The following AK8 variants were observed in gnomAD, a reference collection of about 807,000 sequenced individuals.
AK8 encodes ATP-AMP transphosphorylase 8.
AK8 carries 44 observed loss-of-function variants against 54.6 expected under a neutral mutation model. The ratio of observed to expected loss-of-function variants is 0.81; its 90% CI spans 0.63 to 1.04. The LOEUF (loss-of-function observed/expected upper bound fraction) is 1.04. Ranked by LOEUF, AK8 falls within the 50% of genes least tolerant of loss-of-function variation. The pLI, the probability that AK8 is intolerant of heterozygous loss-of-function variation, is 0.00. For synonymous variants in AK8, 239 were observed against 245.6 expected (o/e 0.97, Z 0.25); for missense variants, 555 against 613.6 (o/e 0.90, Z 1.01).
intron 5 of AK8, among the ~76,000 whole-genome samples, chr9:132,843,423 C>A (rs1314400675): frequency 2.6e-5 from 4 of 152,156 alleles, no homozygotes; most frequent in African/African-American, 9.7e-5. Context: ...TCTCTTATAG[C>A]CTGCGGAACC....
chr9:132,782,511 G>A (rs1839521133), intron 11 of AK8, among the ~76,000 whole-genome samples: 2 of 152,098 alleles, frequency 1.3e-5, no homozygotes, highest in Admixed American at 1.3e-4. Context: ...CCAACATGGT[G>A]AAACCCCGTC....
chr9:132,834,734 T>C (rs899646928), intron 5 of AK8, among the ~76,000 whole-genome samples: 1 of 152,156 alleles, frequency 6.6e-6, no homozygotes, highest in East Asian at 1.9e-4. Context: ...TGATAATCAA[T>C]GATACATGCG....
chr9:132,750,451 G>A lies in AK8; in HGVS notation c.1122-22917C>T, dbSNP rs529421636. ...ATTTCTTCTACACATCTTTCTGTCC[G>A]GCATCGGGGCAGCAGTGGCCAACAG... On this transcript the variant is annotated intron_variant, in intron 11 of 12. Coordinates refer to ENST00000298545, the MANE Select transcript of AK8 (RefSeq NM_152572.3). Among the ~76,000 whole-genome samples, 6 of 151,918 alleles carry A rather than the reference G, an allele frequency of 3.9e-5. 1 individual carries two copies. Among genetic ancestry groups the A allele is most frequent in the East Asian group, 1.9e-4 (1 of 5,178 alleles).
At chr9:132,740,702 G>A (rs1003398397) in intron 11 of AK8, among the ~76,000 whole-genome samples, 1 of 149,380 alleles carries the variant, frequency 6.7e-6, no homozygotes, top group Admixed American at 6.7e-5. Context: ...TCCAGTCTTA[G>A]AGCTGAGCAC....
chr9:132,864,159 C>CT (rs927573869), intron 3 of AK8, among the ~76,000 whole-genome samples: 87 of 149,982 alleles, frequency 5.8e-4, no homozygotes, highest in South Asian at 4.5e-3. Flanking sequence ...ACTCAGTGTT[C>CT]TTTTTTTTTT....
Position 132,823,123 on chromosome 9 carries a change from C to A in AK8, c.889+82G>T, listed in dbSNP as rs1468749004. ...ACCCTTCCCCCCCAACACCACCCCC[C>A]ATAAAATGAGAGCTGGGGAGGAGGG... On this transcript the variant is annotated intron_variant, in intron 9 of 12. Coordinates refer to ENST00000298545, the MANE Select transcript of AK8 (RefSeq NM_152572.3). The A allele has an allele frequency of 6.1e-6, 9 of 1,473,818 alleles. No homozygotes were observed. The East Asian group carries it at 2.0e-4, about 33-fold the overall frequency. 91.3% of individuals were successfully genotyped at this position (1,473,818 alleles called of 1,614,324 possible). A position where few individuals can be genotyped will look rare whatever the true frequency, so the allele number is the denominator to read the frequency against.
chr9:132,795,567 A>G (rs1840130115), intron 10 of AK8, among the ~76,000 whole-genome samples: 1 of 152,188 alleles, frequency 6.6e-6, no homozygotes, highest in Non-Finnish European at 1.5e-5. Context: ...ATTTTCACGG[A>G]AAGAAGAAAC....
rs980148161 is a variant in AK8 at position 132,833,026 on chromosome 9, C to A, written c.403-4300G>T. Among the ~76,000 whole-genome samples, 4 of 152,144 alleles carry A rather than the reference C, an allele frequency of 2.6e-5. 1 individual carries two copies. The highest frequency in any genetic ancestry group is 2.6e-4 in the Admixed American group (4 of 15,268). ...AGCACCCAGGCCCCATTAGAGCCAC[C>A]CCCCACTGTATGGAGAAGGCAGCCA... On this transcript the variant is annotated intron_variant, in intron 5 of 12. Transcript: ENST00000298545.
chr9:132,853,402 A>G (rs1334021671), intron 5 of AK8, among the ~76,000 whole-genome samples: 4 of 151,920 alleles, frequency 2.6e-5, no homozygotes, highest in Non-Finnish European at 5.9e-5. Context: ...AAAACTAAAA[A>G]CAAAGAAAAA....
chr9:132,780,062 G>A (rs1308564427), intron 11 of AK8, among the ~76,000 whole-genome samples: 2 of 152,228 alleles, frequency 1.3e-5, no homozygotes, highest in African/African-American at 4.8e-5. Flanking sequence ...TATGAAGGAG[G>A]AGGGGGCAGA....
intron 11 of AK8, among the ~76,000 whole-genome samples, chr9:132,761,132 A>G (rs1838439465): frequency 6.6e-6 from 1 of 152,152 alleles, no homozygotes; most frequent in South Asian, 2.1e-4. Context: ...TTCCTTGAAT[A>G]CTGTGGTAGA....
At chr9:132,873,052 A>G (rs1194267191) in intron 2 of AK8, among the ~76,000 whole-genome samples, 1 of 152,104 alleles carries the variant, frequency 6.6e-6, no homozygotes, top group African/African-American at 2.4e-5. Flanking sequence ...TGACCTCATG[A>G]TCCGCCCACC....
intron 4 of AK8, among the ~76,000 whole-genome samples, chr9:132,862,268 A>C (rs887561223): frequency 6.6e-6 from 1 of 151,390 alleles, no homozygotes; most frequent in Admixed American, 6.6e-5. Context: ...TTCTCTATCA[A>C]GCTGCTGTCA....
At chr9:132,833,694 G>A (rs1165652312) in intron 5 of AK8, among the ~76,000 whole-genome samples, 1 of 152,174 alleles carries the variant, frequency 6.6e-6, no homozygotes, top group African/African-American at 2.4e-5. Flanking sequence ...TCACAGGAGG[G>A]ACAAGCACTG....
Position 132,823,321 on chromosome 9 carries a change from T to G in AK8, c.773A>C (p.Gln258Pro). 1 of 1,614,016 alleles carries G rather than the reference T, an allele frequency of 6.2e-7. No homozygotes were observed. Among genetic ancestry groups the G allele is most frequent in the African/African-American group, 1.3e-5 (1 of 75,040 alleles). The change falls in exon 9 of 13, where the codon CAA becomes CCA. Residue 258 changes from glutamine to proline, a missense_variant. Gln to Pro is a moderately conservative substitution (Grantham distance 76). Transcript: ENST00000298545. Reference protein sequence around the residue: ...DVFYQALTYVQSNHRTNAPFT... With the variant: ...DVFYQALTYVPSNHRTNAPFT... The stretch of plus-strand genomic sequence containing the variant: ...CGGGGCATTAGTACGATGGTTGCTT[T>G]GGACATAGGTCAGAGCTGGAAAGAG...
intron 11 of AK8, among the ~76,000 whole-genome samples, chr9:132,772,783 C>T (rs139692754): frequency 1.4e-4 from 21 of 152,282 alleles, no homozygotes; most frequent in East Asian, 1.4e-3. Flanking sequence ...CTCTCTGCAA[C>T]GCCTCTCTCT....
At chr9:132,755,316 C>A (rs1007615293) in intron 11 of AK8, among the ~76,000 whole-genome samples, 2 of 152,194 alleles carry the variant, frequency 1.3e-5, no homozygotes, top group African/African-American at 4.8e-5. Flanking sequence ...TGCCCCCTAC[C>A]CTGCACACCA....
upstream of AK8, chr9:132,878,526 C>T: frequency 8.4e-7 from 1 of 1,184,824 alleles, no homozygotes; most frequent in Non-Finnish European, 1.0e-6. The surrounding 1 kb of genome is among the most constrained non-coding windows in gnomAD (Gnocchi z 4.7). Flanking sequence ...TGGGCCTCCT[C>T]GTATCTGAGA....
intron 11 of AK8, among the ~76,000 whole-genome samples, chr9:132,767,580 T>C (rs1838778156): frequency 6.6e-6 from 1 of 152,180 alleles, no homozygotes; most frequent in Non-Finnish European, 1.5e-5. Context: ...AGATCTGTCA[T>C]GTGATCCCAC....
Sources: gnomAD v4.1 joint callset for allele counts (sites outside exome capture counted in the v4.1 genomes callset) on GRCh38, gnomAD v4.1.1 for gene constraint, Gnocchi (gnomAD v3.1) non-coding constraint, MANE v1.5 for transcripts, NCBI Gene and HGNC (gene_info 2026-07-23, HGNC 2026-07-21) for gene names.